The following KIAA1217 variants were observed in gnomAD, a reference collection of about 807,000 sequenced individuals.
The protein encoded by KIAA1217 is KIAA1217.
In KIAA1217, 88 loss-of-function variants were observed where a neutral mutation model predicts 163.9. That is an observed-to-expected ratio of 0.54 (90% CI 0.45 to 0.64). KIAA1217 has a LOEUF of 0.64. Ranked by LOEUF, KIAA1217 falls within the 30% of genes least tolerant of loss-of-function variation. The pLI is 0.00. For missense variants in KIAA1217, 2,372 were observed against 2,475.0 expected (o/e 0.96, Z 0.88); for synonymous variants, 903 against 923.1 (o/e 0.98, Z 0.39).
chr10:24,309,661 C>T (rs1194851839), intron 2 of KIAA1217, among the ~76,000 whole-genome samples: 3 of 152,186 alleles, frequency 2.0e-5, no homozygotes, highest in African/African-American at 7.2e-5. Flanking sequence ...AGGTTTACCA[C>T]ATAGTGTGTG....
chr10:24,411,428 A>C (rs577311108), intron 3 of KIAA1217, among the ~76,000 whole-genome samples: 2 of 152,276 alleles, frequency 1.3e-5, no homozygotes, highest in East Asian at 3.9e-4. Flanking sequence ...TCAGCTTTAC[A>C]TTTATTGGTT....
At chr10:24,074,630 C>A (rs1448679637) in intron 2 of KIAA1217, among the ~76,000 whole-genome samples, 4 of 150,942 alleles carry the variant, frequency 2.7e-5, no homozygotes, top group Admixed American at 6.6e-5. Flanking sequence ...TGTCTTGTTT[C>A]TTTTTTTGCT....
intron 1 of KIAA1217, among the ~76,000 whole-genome samples, chr10:23,768,241 G>A (rs1354051917): frequency 2.0e-5 from 3 of 152,174 alleles, no homozygotes; most frequent in Non-Finnish European, 4.4e-5. Context: ...TCTCTTTTAT[G>A]GTCAGAGGAG....
At position 24,220,793 on chromosome 10, in the gene KIAA1217, CT is replaced by C. The variant is rs965312413; in HGVS notation, c.354+885del. The stretch of plus-strand genomic sequence containing the variant: ...TTTTTTTTTTGGAGATGGGTTATTG[CT>C]GTATTACCCAGGCTGGAGTGCAGTA... On this transcript the variant is annotated intron_variant, in intron 2 of 20. Coordinates refer to ENST00000376454, the MANE Select transcript of KIAA1217 (RefSeq NM_019590.5). Among the ~76,000 whole-genome samples the C allele has an allele frequency of 6.6e-4, 73 of 110,000 alleles. 1 individual carries two copies. The highest frequency in any genetic ancestry group is 2.5e-3 in the Admixed American group (20 of 8,002). 72.2% of individuals were successfully genotyped at this position (110,000 alleles called of 152,430 possible).
At position 24,113,556 on chromosome 10, in the gene KIAA1217, C is replaced by A. The variant is rs979223925; in HGVS notation, c.-170-106070C>A. ...TTTTAAACAGAAAAGGAATTTTGCTCGCAAAATCACTGGAAAGGCTAGAAG... is the reference window on the plus strand; with the variant it reads ...TTTTAAACAGAAAAGGAATTTTGCTAGCAAAATCACTGGAAAGGCTAGAAG... On this transcript the variant is annotated intron_variant, in intron 2 of 18. Coordinates refer to the KIAA1217 transcript ENST00000376462. Among the ~76,000 whole-genome samples the A allele has an allele frequency of 4.6e-5, 7 of 152,236 alleles. No homozygotes were observed. In the East Asian group the frequency reaches 9.7e-4, roughly 21 times the overall value.
intron 2 of KIAA1217, among the ~76,000 whole-genome samples, chr10:24,148,947 A>G (rs180813229): frequency 6.6e-6 from 1 of 152,266 alleles, no homozygotes; most frequent in East Asian, 1.9e-4. Context: ...ATGATATGGA[A>G]ACTTCTGTGA....
intron 1 of KIAA1217, among the ~76,000 whole-genome samples, chr10:23,844,045 G>A (rs1838909514): frequency 1.3e-5 from 2 of 152,116 alleles, no homozygotes; most frequent in Admixed American, 1.3e-4. Flanking sequence ...CAGCTGTATA[G>A]CTACAAGGTA....
chr10:24,501,532 T>C lies in KIAA1217; in HGVS notation c.1988T>C (p.Met663Thr). Residue 663 changes from methionine (M) to threonine (T), a missense_variant, in exon 9 of 21, where the codon ATG (methionine) becomes ACG (threonine). By Grantham distance (81) the Met-to-Thr change is moderately conservative. Coordinates refer to ENST00000376454, the MANE Select transcript of KIAA1217 (RefSeq NM_019590.5). ...VAELRLQLQQ[M>T]RQLQLQNQEL... The stretch of plus-strand genomic sequence containing the variant: ...GAACTCAGGCTCCAGCTCCAGCAGA[T>C]GCGGCAGCTCCAGGTATTCCTCATG... 6.2e-7 allele frequency: 1 copy of C among 1,613,262 alleles called. No individual in the cohort carries two copies. Among genetic ancestry groups the C allele is most frequent in the Non-Finnish European group, 8.5e-7 (1 of 1,179,748 alleles).
At chr10:24,235,831 T>A (rs551980233) in intron 2 of KIAA1217, among the ~76,000 whole-genome samples, 1 of 152,220 alleles carries the variant, frequency 6.6e-6, no homozygotes, top group Non-Finnish European at 1.5e-5. Context: ...CCCTTTGCAA[T>A]CCAGTATGCA....
At chr10:24,449,847 C>A in intron 5 of KIAA1217, 1 of 692,662 alleles carries the variant, frequency 1.4e-6, no homozygotes, top group Non-Finnish European at 1.8e-6. Context: ...ATTAACTTGT[C>A]TTCTGTATTC....
At chr10:24,061,695 G>A (rs1418047056) in intron 2 of KIAA1217, among the ~76,000 whole-genome samples, 1 of 152,052 alleles carries the variant, frequency 6.6e-6, no homozygotes, top group Non-Finnish European at 1.5e-5. Flanking sequence ...TTAGCACTTT[G>A]AATATATCAT....
intron 3 of KIAA1217, among the ~76,000 whole-genome samples, chr10:24,389,010 A>G (rs1039010844): frequency 2.6e-5 from 4 of 152,096 alleles, no homozygotes; most frequent in Admixed American, 1.3e-4. Flanking sequence ...TTCCTCAAGG[A>G]TCTAGAACTA....
At chr10:24,249,626 AT>A (rs2074248339) in intron 2 of KIAA1217, among the ~76,000 whole-genome samples, 1 of 152,236 alleles carries the variant, frequency 6.6e-6, no homozygotes, top group Non-Finnish European at 1.5e-5. Flanking sequence ...TACAATAAAA[AT>A]ATTCCCCATA....
At chr10:23,710,970 C>T (rs1388248972) in intron 1 of KIAA1217, among the ~76,000 whole-genome samples, 1 of 152,180 alleles carries the variant, frequency 6.6e-6, no homozygotes, top group African/African-American at 2.4e-5. Context: ...GTCCTCTGTG[C>T]ACATCCTTGT....
At chr10:24,401,699 A>G (rs1287337184) in intron 3 of KIAA1217, among the ~76,000 whole-genome samples, 2 of 152,200 alleles carry the variant, frequency 1.3e-5, no homozygotes, top group East Asian at 1.9e-4. Flanking sequence ...CACTCTTAAC[A>G]TAATTCTGGA....
chr10:23,991,122 T>C (rs1296595230), intron 1 of KIAA1217, among the ~76,000 whole-genome samples: 1 of 152,220 alleles, frequency 6.6e-6, no homozygotes, highest in Non-Finnish European at 1.5e-5. Flanking sequence ...CCATGTTGAT[T>C]GGGTCATCAA....
intron 2 of KIAA1217, chr10:24,239,092 G>A: frequency 1.1e-6 from 1 of 890,282 alleles, no homozygotes; most frequent in Non-Finnish European, 1.3e-6. Flanking sequence ...ATGCTTGAAA[G>A]AGCATGTCAA....
intron 1 of KIAA1217, among the ~76,000 whole-genome samples, chr10:23,979,256 T>C (rs1424497531): frequency 6.6e-6 from 1 of 152,240 alleles, no homozygotes; most frequent in African/African-American, 2.4e-5. Context: ...AAAAGTCACG[T>C]TGCAGGTGCA....
intron 1 of KIAA1217, among the ~76,000 whole-genome samples, chr10:23,958,318 G>A (rs1239550671): frequency 1.3e-5 from 2 of 152,190 alleles, no homozygotes; most frequent in Non-Finnish European, 2.9e-5. Context: ...AGACTGGGTT[G>A]AAAGATGGCT....
Sources: allele counts gnomAD v4.1 joint callset (sites outside exome capture counted in the v4.1 genomes callset), GRCh38; gene constraint gnomAD v4.1.1; transcripts MANE v1.5; gene names NCBI Gene and HGNC (gene_info 2026-07-23, HGNC 2026-07-21).